The following AKAP7 variants were observed in gnomAD, a reference collection of about 807,000 sequenced individuals.
AKAP7 encodes A kinase (PRKA) anchor protein 7.
In AKAP7, 39 loss-of-function variants were observed where a neutral mutation model predicts 39.5. The observed-to-expected ratio is 0.99, with a 90% CI of 0.76 to 1.29. The LOEUF (loss-of-function observed/expected upper bound fraction) is 1.29, where lower values mean the gene tolerates loss of function less well. Among genes scored for constraint, AKAP7 ranks in the 50% most tolerant of loss-of-function variants. The pLI, the probability that AKAP7 is intolerant of heterozygous loss-of-function variation, is 0.00. For synonymous variants in AKAP7, 140 were observed against 139.1 expected (o/e 1.01, Z -0.05); for missense variants, 414 against 407.7 (o/e 1.02, Z -0.13).
intron 4 of AKAP7, among the ~76,000 whole-genome samples, chr6:131,168,498 C>T (rs1308410561): frequency 6.6e-6 from 1 of 152,008 alleles, no homozygotes; most frequent in Non-Finnish European, 1.5e-5. Flanking sequence ...AAAGATATCG[C>T]ACTTCTAACA....
chr6:131,199,891 T>A (rs1206619668), intron 6 of AKAP7: 1 of 299,586 alleles, frequency 3.3e-6, no homozygotes, highest in African/African-American at 2.3e-5. Flanking sequence ...GCTGCTATTC[T>A]TGCTTGTGGT....
At chr6:131,220,018 T>C (rs1230764872) in intron 7 of AKAP7, among the ~76,000 whole-genome samples, 2 of 152,228 alleles carry the variant, frequency 1.3e-5, no homozygotes, top group Non-Finnish European at 2.9e-5. Context: ...CCTGTAGTTT[T>C]TATACTTCTG....
At position 131,256,781 on chromosome 6, in the gene AKAP7, C is replaced by G. The variant is rs549045850; in HGVS notation, c.851-24749C>G. Among the ~76,000 whole-genome samples the G allele has an allele frequency of 0.014, 2,153 of 151,962 alleles. 137 individuals are homozygous for G. The East Asian group carries it at 0.17, about 12-fold the overall frequency. Reference sequence around the variant, plus strand: ...TCTCAAACTCCTGGCCTCAAGTGATCCTCCCACCTCGGCCTCCCAGAGTAT... The same window carrying G: ...TCTCAAACTCCTGGCCTCAAGTGATGCTCCCACCTCGGCCTCCCAGAGTAT... On this transcript the variant is annotated intron_variant, in intron 7 of 7. Coordinates refer to ENST00000431975, the MANE Select transcript of AKAP7 (RefSeq NM_016377.4).
intron 4 of AKAP7, among the ~76,000 whole-genome samples, chr6:131,168,310 G>C (rs1212132348): frequency 6.6e-6 from 1 of 152,028 alleles, no homozygotes. Context: ...TACTCAGGAG[G>C]CTGAGGCAGG....
chr6:131,159,299 T>C (rs111754114), intron 2 of AKAP7, among the ~76,000 whole-genome samples: 4,128 of 151,988 alleles, frequency 0.027, 190 homozygotes, highest in African/African-American at 0.095. Context: ...TTCACCGTGT[T>C]AGCCAGGATG....
chr6:131,143,841 G>A (rs550895889), intron 1 of AKAP7, among the ~76,000 whole-genome samples: 225 of 145,862 alleles, frequency 1.5e-3, no homozygotes, highest in Middle Eastern at 3.5e-3. Flanking sequence ...GGACAATAGT[G>A]GAGGGAAGGT....
chr6:131,131,036 G>C (rs1340710391), upstream of AKAP7, among the ~76,000 whole-genome samples: 1 of 152,218 alleles, frequency 6.6e-6, no homozygotes. Context: ...TTGTTCAGGC[G>C]TGAGCAGGTA....
intron 5 of AKAP7, among the ~76,000 whole-genome samples, chr6:131,186,435 T>G (rs549873517): frequency 1.3e-5 from 2 of 152,342 alleles, no homozygotes; most frequent in African/African-American, 4.8e-5. Context: ...AGGTATTTTT[T>G]TTTTAAATAG....
chr6:131,156,295 AG>A (rs964801366), intron 2 of AKAP7, among the ~76,000 whole-genome samples: 7 of 152,126 alleles, frequency 4.6e-5, no homozygotes, highest in African/African-American at 1.7e-4. Flanking sequence ...CCTTAAAAAA[AG>A]GGGGTCTTGC....
chr6:131,228,202 G>A (rs1470724675), intron 7 of AKAP7, among the ~76,000 whole-genome samples: 1 of 152,170 alleles, frequency 6.6e-6, no homozygotes, highest in Admixed American at 6.5e-5. Flanking sequence ...CGTAGGAGGA[G>A]AAGGAAATTA....
chr6:131,199,766 T>A (rs182663185), intron 6 of AKAP7, among the ~76,000 whole-genome samples, 193 bp downstream of exon 6: 1 of 152,318 alleles, frequency 6.6e-6, no homozygotes, highest in East Asian at 1.9e-4. Flanking sequence ...CAGCTTTGCC[T>A]GCCTTTGCCA....
At position 131,281,063 on chromosome 6, in the gene AKAP7, C is replaced by A. The variant is rs1049857017; in HGVS notation, c.851-467C>A. Among the ~76,000 whole-genome samples, 1 of 152,122 alleles carries A rather than the reference C, an allele frequency of 6.6e-6. No individual in the cohort carries two copies. The highest frequency in any genetic ancestry group is 2.4e-5 in the African/African-American group (1 of 41,420). On this transcript the variant is annotated intron_variant, in intron 7 of 7. Transcript: ENST00000431975. The surrounding 1 kb of genome is among the most constrained non-coding windows in gnomAD (Gnocchi z 4.0). ...GCAGCACTGAGCATTTATTAACAAC[C>A]AACCTATAGGCCAAGCATTTTTAAA...
chr6:131,240,842 CCCTTGCACTTCCCGGGTGAGGTGATG>C (rs1811485077), intron 7 of AKAP7, among the ~76,000 whole-genome samples: 1 of 152,196 alleles, frequency 6.6e-6, no homozygotes, highest in Non-Finnish European at 1.5e-5. Context: ...ATTCCCTGAC[CCCTTGCACTTCCCGGGTGAGGTGATG>C]CCTTGCCCTG....
chr6:131,167,103 C>G (rs568670262), intron 4 of AKAP7, among the ~76,000 whole-genome samples: 125 of 152,262 alleles, frequency 8.2e-4, no homozygotes, highest in Non-Finnish European at 1.4e-3. Context: ...GAAATACAAC[C>G]TTTGGGTCTG....
intron 7 of AKAP7, among the ~76,000 whole-genome samples, chr6:131,232,037 A>G (rs1810667850): frequency 6.6e-6 from 1 of 152,202 alleles, no homozygotes. Context: ...GGCTCACTGT[A>G]TTTTAACTGG....
In AKAP7 at chr6:131,267,269, T is replaced by C. The variant is rs565289520; in HGVS notation, c.851-14261T>C. On this transcript the variant is annotated intron_variant, in intron 7 of 7. Transcript: ENST00000431975. ...TAAGCATAATGACTGGATATTGGCA[T>C]CAAAGATAAAATGAAGCAGCATCAC... Among the ~76,000 whole-genome samples the C allele has an allele frequency of 1.8e-4, 27 of 152,302 alleles. No homozygotes were observed. In the South Asian group the frequency reaches 2.9e-3, roughly 16 times the overall value.
chr6:131,161,847 T>C (rs1371689135), intron 3 of AKAP7, among the ~76,000 whole-genome samples: 2 of 152,210 alleles, frequency 1.3e-5, no homozygotes, highest in South Asian at 2.1e-4. Context: ...AAGGTGCTGC[T>C]GCTTTCATGA....
At chr6:131,190,127 C>G (rs76551292) in intron 5 of AKAP7, among the ~76,000 whole-genome samples, 4,116 of 152,202 alleles carry the variant, frequency 0.027, 169 homozygotes, top group African/African-American at 0.094. Context: ...AATATAAAAT[C>G]AGTATTAAGA....
intron 7 of AKAP7, among the ~76,000 whole-genome samples, chr6:131,272,331 G>T (rs563437236): frequency 5.3e-5 from 8 of 151,708 alleles, no homozygotes; most frequent in Non-Finnish European, 1.2e-4. Context: ...CTTTGGTTTC[G>T]CTGATGTTCT....
Sources: gnomAD v4.1 joint callset for allele counts (sites outside exome capture counted in the v4.1 genomes callset) on GRCh38, gnomAD v4.1.1 for gene constraint, Gnocchi (gnomAD v3.1) non-coding constraint, MANE v1.5 for transcripts, NCBI Gene and HGNC (gene_info 2026-07-23, HGNC 2026-07-21) for gene names.